The following EDIL3 variants were observed in gnomAD, a reference collection of about 807,000 sequenced individuals.
EDIL3 encodes EGF like and discoidin domains 3.
In EDIL3, 37 loss-of-function variants were observed where a neutral mutation model predicts 67.4. The ratio of observed to expected loss-of-function variants is 0.55; its 90% CI spans 0.42 to 0.72. The LOEUF is 0.72. EDIL3 is among the 30% of genes least tolerant of loss of function. The pLI is 0.00. For synonymous variants in EDIL3, 195 were observed against 196.3 expected (o/e 0.99, Z 0.05); for missense variants, 527 against 586.3 (o/e 0.90, Z 1.04).
chr5:84,262,194 G>A (rs1057114052), intron 1 of EDIL3, among the ~76,000 whole-genome samples: 3 of 152,158 alleles, frequency 2.0e-5, no homozygotes, highest in Admixed American at 6.5e-5. Context: ...AGGGCCGGGG[G>A]AGGCTTTTCA....
At chr5:84,097,231 A>C (rs1477218575) in intron 6 of EDIL3, among the ~76,000 whole-genome samples, 1 of 152,212 alleles carries the variant, frequency 6.6e-6, no homozygotes, top group Admixed American at 6.5e-5. Context: ...ACATTTCTAA[A>C]AAGGTAAGAG....
At chr5:84,138,882 T>A (rs1019401634) in intron 4 of EDIL3, among the ~76,000 whole-genome samples, 2 of 152,120 alleles carry the variant, frequency 1.3e-5, no homozygotes, top group African/African-American at 4.8e-5. Context: ...CCTCATAACT[T>A]CAAATAATAG....
chr5:84,314,975 GCTA>G (rs1746482092), intron 1 of EDIL3, among the ~76,000 whole-genome samples: 1 of 152,002 alleles, frequency 6.6e-6, no homozygotes. Context: ...CATAATGTGT[GCTA>G]CTAAGTGTTC....
chr5:84,050,106 G>C (rs1012695100), intron 9 of EDIL3, among the ~76,000 whole-genome samples: 4 of 150,322 alleles, frequency 2.7e-5, no homozygotes, highest in Admixed American at 6.7e-5. Flanking sequence ...GCTGAGGCAG[G>C]AGAATGGTGT....
intron 3 of EDIL3, among the ~76,000 whole-genome samples, chr5:84,215,322 C>T (rs1262919569): frequency 1.3e-5 from 2 of 151,800 alleles, no homozygotes; most frequent in African/African-American, 2.4e-5. Flanking sequence ...GGCACAATCT[C>T]GGCTCATTGC....
At chr5:84,318,535 T>A (rs1453146043) in intron 1 of EDIL3, among the ~76,000 whole-genome samples, 2 of 152,092 alleles carry the variant, frequency 1.3e-5, no homozygotes, top group Non-Finnish European at 1.5e-5. Context: ...TTGACAAACC[T>A]GACAAAAACA....
At chr5:84,192,139 A>C (rs1335999119) in intron 3 of EDIL3, among the ~76,000 whole-genome samples, 1 of 151,770 alleles carries the variant, frequency 6.6e-6, no homozygotes, top group Non-Finnish European at 1.5e-5. Context: ...AACACTTAAT[A>C]ATTGCAAAAT....
chr5:84,358,642 C>T (rs61165993), intron 1 of EDIL3, among the ~76,000 whole-genome samples: 15,441 of 113,728 alleles, frequency 0.14, 999 homozygotes, highest in Middle Eastern at 0.27. Flanking sequence ...CTTGCTCTAT[C>T]ACCCAGGCTG....
At chr5:84,139,368 A>G (rs1748150616) in intron 4 of EDIL3, among the ~76,000 whole-genome samples, 1 of 152,120 alleles carries the variant, frequency 6.6e-6, no homozygotes, top group Admixed American at 6.5e-5. Flanking sequence ...AAAGGTGAGT[A>G]TAAGTCATTT....
chr5:84,264,803 A>C (rs1327391680), intron 1 of EDIL3, among the ~76,000 whole-genome samples: 1 of 152,190 alleles, frequency 6.6e-6, no homozygotes, highest in African/African-American at 2.4e-5. Context: ...TTAGTCCATC[A>C]ATCTCTGTCA....
chr5:84,073,600 G>A (rs1399981607), intron 6 of EDIL3, among the ~76,000 whole-genome samples: 2 of 152,124 alleles, frequency 1.3e-5, no homozygotes, highest in Non-Finnish European at 2.9e-5. Context: ...ATTCACAATT[G>A]CTTCAAAGAG....
At chr5:84,198,060 A>G (rs369008757) in intron 3 of EDIL3, among the ~76,000 whole-genome samples, 8 of 152,182 alleles carry the variant, frequency 5.3e-5, no homozygotes, top group African/African-American at 1.4e-4. Flanking sequence ...ATGGGGCACA[A>G]CATCTGAGTA....
intron 5 of EDIL3, among the ~76,000 whole-genome samples, chr5:84,111,127 G>A (rs988769379): frequency 6.6e-6 from 1 of 152,112 alleles, no homozygotes; most frequent in Non-Finnish European, 1.5e-5. Flanking sequence ...AGGAAGACAT[G>A]CTTGCTTCCC....
intron 9 of EDIL3, among the ~76,000 whole-genome samples, chr5:84,043,360 G>C (rs947407441): frequency 6.6e-6 from 1 of 152,036 alleles, no homozygotes; most frequent in African/African-American, 2.4e-5. Context: ...ACAATGCTTT[G>C]GATTCATTTA....
chr5:84,338,015 AG>A (rs1158302586), intron 1 of EDIL3, among the ~76,000 whole-genome samples: 2 of 152,184 alleles, frequency 1.3e-5, no homozygotes, highest in Admixed American at 1.3e-4. Flanking sequence ...CTATACACAT[AG>A]ATAAATATGC....
rs550843092 is a variant in EDIL3, at chr5:84,384,542, G to C, written c.-168C>G. 1.6e-6 allele frequency: 1 copy of C among 614,904 alleles called. No homozygotes were observed. Among genetic ancestry groups the C allele is most frequent in the East Asian group, 3.2e-5 (1 of 31,718 alleles). 38.1% of individuals were successfully genotyped at this position (614,904 alleles called of 1,614,324 possible). ...AAACAAATTCTTGGAGAGGGCGAGA[G>C]TGGTGACTAAAGAGAGGAGCCTTTC... is the stretch of plus-strand genomic sequence containing the variant. On this transcript the variant is annotated 5_prime_UTR_variant, in exon 1 of 11. Coordinates refer to ENST00000296591, the MANE Select transcript of EDIL3 (RefSeq NM_005711.5).
chr5:84,106,644 G>A lies in EDIL3; in HGVS notation c.651+5C>T, dbSNP rs753934176. 3.7e-5 allele frequency: 59 copies of A among 1,596,842 alleles called. No homozygotes were observed. The highest frequency in any genetic ancestry group is 4.9e-5 in the Non-Finnish European group (57 of 1,173,778). ...ACATTAACCTTGTCCCATCCCATCTGTTACCTGAATCCACGGCCATCTGTC... is the reference window on the plus strand; with the variant it reads ...ACATTAACCTTGTCCCATCCCATCTATTACCTGAATCCACGGCCATCTGTC... On this transcript the variant is annotated splice_donor_5th_base_variant and intron_variant, in intron 6 of 10. Coordinates refer to ENST00000296591, the MANE Select transcript of EDIL3 (RefSeq NM_005711.5).
chr5:84,196,199 A>T (rs901528134), intron 3 of EDIL3, among the ~76,000 whole-genome samples: 1 of 151,986 alleles, frequency 6.6e-6, no homozygotes, highest in Non-Finnish European at 1.5e-5. Flanking sequence ...TGCAAAAAAA[A>T]TATAAATGAT....
chr5:84,110,782 T>A (rs1264015209), intron 5 of EDIL3, among the ~76,000 whole-genome samples: 1 of 152,218 alleles, frequency 6.6e-6, no homozygotes, highest in Non-Finnish European at 1.5e-5. Context: ...GAAGCATACA[T>A]ACTTATGCAT....
Sources: allele counts gnomAD v4.1 joint callset (sites outside exome capture counted in the v4.1 genomes callset), GRCh38; gene constraint gnomAD v4.1.1; transcripts MANE v1.5; gene names NCBI Gene and HGNC (gene_info 2026-07-23, HGNC 2026-07-21).